Variants in CADPS2 observed in about 807,000 individuals in gnomAD.
CADPS2 encodes the protein calcium-dependent secretion activator 2.
CADPS2 carries 93 observed loss-of-function variants against 172.5 expected under a neutral mutation model. That is an observed-to-expected ratio of 0.54 (90% CI 0.46 to 0.64). The LOEUF (loss-of-function observed/expected upper bound fraction) is 0.64, where lower values mean the gene tolerates loss of function less well. CADPS2 is among the 30% of genes least tolerant of loss of function. The probability of loss-of-function intolerance (pLI) is 0.00; values close to 1 mark genes in which losing one functional copy is unlikely to be tolerated. For missense variants in CADPS2, 1,420 were observed against 1,565.9 expected, an observed-to-expected ratio of 0.91 and a Z score of 1.57; for synonymous variants, 546 against 555.2, an observed-to-expected ratio of 0.98 and a Z score of 0.23.
intron 2 of CADPS2, among the ~76,000 whole-genome samples, chr7:122,669,371 A>G (rs1588279231): frequency 6.7e-6 from 1 of 149,596 alleles, no homozygotes; most frequent in East Asian, 2.0e-4. Flanking sequence ...TTTTTTTGAG[A>G]AAAAGTAATT....
intron 8 of CADPS2, among the ~76,000 whole-genome samples, chr7:122,545,498 G>C (rs1035246703): frequency 1.6e-4 from 24 of 152,086 alleles, no homozygotes; most frequent in African/African-American, 5.6e-4. Context: ...CTGAATGCTA[G>C]CTTAAAGGAT....
At chr7:122,705,425 T>A (rs2086838523) in intron 2 of CADPS2, among the ~76,000 whole-genome samples, 1 of 140,082 alleles carries the variant, frequency 7.1e-6, no homozygotes, top group African/African-American at 2.6e-5. Context: ...GTAGAGATAA[T>A]ATATAATATG....
intron 6 of CADPS2, among the ~76,000 whole-genome samples, chr7:122,593,305 G>A (rs2071191919): frequency 6.6e-6 from 1 of 151,780 alleles, no homozygotes; most frequent in African/African-American, 2.4e-5. Flanking sequence ...TAAACATTGT[G>A]GAAAAAAGAC....
intron 1 of CADPS2, among the ~76,000 whole-genome samples, chr7:122,755,194 A>T (rs567973530): frequency 6.6e-6 from 1 of 152,312 alleles, no homozygotes; most frequent in Admixed American, 6.5e-5. Context: ...TGCAGTCTAC[A>T]TGTCTTGTTT....
intron 1 of CADPS2, among the ~76,000 whole-genome samples, chr7:122,835,549 G>A (rs550775999): frequency 3.2e-4 from 48 of 152,212 alleles, no homozygotes; most frequent in Admixed American, 8.5e-4. Flanking sequence ...AAGATTAGAC[G>A]AACGGATAAC....
intron 1 of CADPS2, among the ~76,000 whole-genome samples, chr7:122,863,011 T>C (rs1817359337): frequency 1.3e-5 from 2 of 152,196 alleles, no homozygotes; most frequent in African/African-American, 4.8e-5. Flanking sequence ...TTTTGACATT[T>C]TGAAATAAGG....
intron 7 of CADPS2, among the ~76,000 whole-genome samples, chr7:122,566,047 T>C (rs761235529): frequency 2.6e-4 from 39 of 152,200 alleles, no homozygotes; most frequent in Non-Finnish European, 4.9e-4. Context: ...TCTGTCTTTC[T>C]GTGCTTGGCA....
intron 2 of CADPS2, among the ~76,000 whole-genome samples, chr7:122,734,719 T>C (rs1375217725): frequency 6.6e-6 from 1 of 152,152 alleles, no homozygotes; most frequent in Non-Finnish European, 1.5e-5. Flanking sequence ...TTTTTCCAAC[T>C]AAATTTATTT....
chr7:122,540,623 G>A lies in CADPS2; in HGVS notation c.1475+13927C>T, dbSNP rs191495790. The stretch of plus-strand genomic sequence containing the variant: ...TCTTGCTTCTCTCAGCAATTAAAAC[G>A]GCAAGGCATATTATTAAGGTCCCAC... On this transcript the variant is annotated intron_variant, in intron 8 of 29. Transcript: ENST00000449022. Among the ~76,000 whole-genome samples, 53 of 152,038 alleles carry A rather than the reference G, an allele frequency of 3.5e-4. 1 individual carries two copies. The East Asian group carries it at 8.9e-3, about 26-fold the overall frequency.
At chr7:122,640,770 A>C (rs1281812959) in intron 3 of CADPS2, among the ~76,000 whole-genome samples, 2 of 152,006 alleles carry the variant, frequency 1.3e-5, no homozygotes, top group African/African-American at 2.4e-5. Context: ...TCTCTACTAA[A>C]AAAAATACAA....
At chr7:122,501,829 C>A (rs537935409) in intron 9 of CADPS2, among the ~76,000 whole-genome samples, 1 of 143,958 alleles carries the variant, frequency 6.9e-6, no homozygotes. Flanking sequence ...GAGCTGAGAT[C>A]GCACCACTGC....
rs773061045 is a variant in CADPS2, at chr7:122,393,505, T to A, written c.2824A>T (p.Met942Leu). ...VPLVVRYVDL[M>L]ESSIAQSIHR... ...ATTGACTGGGCGATGGAAGACTCCA[T>A]GAGATCCACATAGCGGACAACCAAG... Residue 942 changes from methionine to leucine, a missense_variant, in exon 21 of 30, where the codon ATG becomes TTG. Met to Leu is a conservative substitution (Grantham distance 15, BLOSUM62 2). Coordinates refer to ENST00000449022, the MANE Select transcript of CADPS2 (RefSeq NM_017954.11). 5.0e-6 allele frequency: 8 copies of A among 1,613,856 alleles called. No homozygotes were observed. The highest frequency in any genetic ancestry group is 5.9e-6 in the Non-Finnish European group (7 of 1,179,828).
chr7:122,850,372 C>T (rs1813228410), intron 1 of CADPS2: 1 of 360,000 alleles, frequency 2.8e-6, no homozygotes, highest in Non-Finnish European at 5.3e-6. Flanking sequence ...AGGGGGGTGA[C>T]ACCTTCCCTC....
intron 1 of CADPS2, among the ~76,000 whole-genome samples, chr7:122,884,902 G>A (rs1823908377): frequency 6.6e-6 from 1 of 152,176 alleles, no homozygotes; most frequent in African/African-American, 2.4e-5. Flanking sequence ...TACAGTTATA[G>A]TTGAAGTCAA....
intron 9 of CADPS2, among the ~76,000 whole-genome samples, chr7:122,508,479 T>C (rs892700228): frequency 8.1e-5 from 11 of 135,980 alleles, no homozygotes; most frequent in African/African-American, 1.5e-4. Context: ...TTTTTTTTTT[T>C]CTGGAGACAG....
intron 14 of CADPS2, among the ~76,000 whole-genome samples, chr7:122,460,265 G>A (rs781778826): frequency 2.0e-5 from 3 of 151,574 alleles, no homozygotes; most frequent in Non-Finnish European, 4.4e-5. Flanking sequence ...TCTCCCAAGG[G>A]TGGGAGAACA....
intron 2 of CADPS2, among the ~76,000 whole-genome samples, chr7:122,672,587 C>G (rs186295847): frequency 6.6e-6 from 1 of 152,286 alleles, no homozygotes; most frequent in East Asian, 1.9e-4. Context: ...GGTCACACAC[C>G]TCCTGGGAGA....
chr7:122,589,148 C>T (rs1315782054), intron 6 of CADPS2, among the ~76,000 whole-genome samples: 1 of 151,902 alleles, frequency 6.6e-6, no homozygotes, highest in Non-Finnish European at 1.5e-5. Context: ...TACTCCAAAG[C>T]CATGCTGAAG....
intron 1 of CADPS2, among the ~76,000 whole-genome samples, chr7:122,867,740 G>T (rs538678603): frequency 6.6e-6 from 1 of 152,224 alleles, no homozygotes; most frequent in South Asian, 2.1e-4. Flanking sequence ...TGGGAAACAT[G>T]GCACTCCCTT....
Sources: gnomAD v4.1 joint callset for allele counts (sites outside exome capture counted in the v4.1 genomes callset) on GRCh38, gnomAD v4.1.1 for gene constraint, MANE v1.5 for transcripts, NCBI Gene and HGNC (gene_info 2026-07-23, HGNC 2026-07-21) for gene names.